GPC6: variants seen among roughly 807,000 people sequenced by gnomAD.
The protein encoded by GPC6 is glypican 6, also known as glypican-6.
Under a neutral mutation model 55.2 loss-of-function variants are expected in GPC6, and 14 were observed. That is an observed-to-expected ratio of 0.25 (90% CI 0.17 to 0.40). The LOEUF is 0.40. GPC6 is among the 10% of genes least tolerant of loss of function. The pLI, the probability that GPC6 is intolerant of heterozygous loss-of-function variation, is 1.00. For synonymous variants in GPC6, 278 were observed against 259.6 expected, an observed-to-expected ratio of 1.07 and a Z score of -0.68; for missense variants, 641 against 708.5, an observed-to-expected ratio of 0.90 and a Z score of 1.08.
chr13:94,041,610 C>A (rs1234711504), intron 4 of GPC6, among the ~76,000 whole-genome samples: 1 of 151,820 alleles, frequency 6.6e-6, no homozygotes, highest in East Asian at 1.9e-4. Context: ...CCTGAACATA[C>A]ACAATCTTTT....
intron 1 of GPC6, among the ~76,000 whole-genome samples, chr13:93,335,062 G>C (rs1258113550): frequency 6.6e-6 from 1 of 152,084 alleles, no homozygotes; most frequent in African/African-American, 2.4e-5. Flanking sequence ...TCCAACTGTT[G>C]ATGCATCTTG....
intron 4 of GPC6, among the ~76,000 whole-genome samples, chr13:94,125,262 A>G (rs1282372593): frequency 6.6e-6 from 1 of 152,080 alleles, no homozygotes; most frequent in Non-Finnish European, 1.5e-5. Flanking sequence ...ATTTTATGAC[A>G]ATGTCTTGTA....
intron 6 of GPC6, among the ~76,000 whole-genome samples, chr13:94,341,847 G>T (rs542507814): frequency 6.6e-6 from 1 of 152,148 alleles, no homozygotes; most frequent in Admixed American, 6.5e-5. Context: ...TAATGCATTA[G>T]GACTGACAAT....
intron 2 of GPC6, among the ~76,000 whole-genome samples, chr13:93,659,244 C>T (rs988043561): frequency 6.6e-6 from 1 of 151,668 alleles, no homozygotes; most frequent in African/African-American, 2.4e-5. Context: ...TGGATTAGTT[C>T]CCTAAGGGTA....
At chr13:94,175,019 C>T (rs552396164) in intron 4 of GPC6, among the ~76,000 whole-genome samples, 1 of 152,270 alleles carries the variant, frequency 6.6e-6, no homozygotes, top group African/African-American at 2.4e-5. Context: ...GTGTATCTCC[C>T]AAATATCACC....
chr13:93,735,466 G>A (rs1435344202), intron 2 of GPC6, among the ~76,000 whole-genome samples: 1 of 151,734 alleles, frequency 6.6e-6, no homozygotes, highest in Non-Finnish European at 1.5e-5. Flanking sequence ...CTAGTAGGTG[G>A]GGTTGCAGTG....
chr13:94,370,201 G>A (rs1017015642), intron 6 of GPC6, among the ~76,000 whole-genome samples: 5 of 152,242 alleles, frequency 3.3e-5, no homozygotes, highest in African/African-American at 1.2e-4. Context: ...ATCCCTGGGT[G>A]AAACTTATTA....
intron 3 of GPC6, among the ~76,000 whole-genome samples, chr13:93,993,238 C>T (rs1298917896): frequency 2.0e-5 from 3 of 151,324 alleles, no homozygotes; most frequent in African/African-American, 4.9e-5. Flanking sequence ...ATTCTTTTGT[C>T]GTATCTATTT....
chr13:94,244,404 T>G (rs1891139363), intron 4 of GPC6, among the ~76,000 whole-genome samples: 1 of 152,086 alleles, frequency 6.6e-6, no homozygotes, highest in South Asian at 2.1e-4. Context: ...ACCTGTGAAG[T>G]TAAGGATTTG....
chr13:93,450,464 GT>G (rs746856385), intron 1 of GPC6, among the ~76,000 whole-genome samples: 11 of 152,182 alleles, frequency 7.2e-5, no homozygotes, highest in Non-Finnish European at 1.5e-4. Flanking sequence ...AGTAAGGAAA[GT>G]TGTTGTCATT....
chr13:93,576,334 T>C (rs1343266672), intron 2 of GPC6, among the ~76,000 whole-genome samples: 1 of 152,070 alleles, frequency 6.6e-6, no homozygotes, highest in Non-Finnish European at 1.5e-5. Context: ...TTATGCACAA[T>C]ACAAAATTTT....
rs151154899 is a variant in GPC6, at chr13:93,679,097, A to G, written c.319+133676A>G. On this transcript the variant is annotated intron_variant, in intron 2 of 8. Transcript: ENST00000377047. ...TTTTAATTTGGAAAGAAATTGAGAA[A>G]CATATTCTGAACCTAGTGTTTTATG... Among the ~76,000 whole-genome samples, 378 of 152,272 alleles carry G rather than the reference A, an allele frequency of 2.5e-3. 2 individuals are homozygous for G. Among genetic ancestry groups the G allele is most frequent in the African/African-American group, 8.6e-3 (359 of 41,558 alleles).
intron 1 of GPC6, among the ~76,000 whole-genome samples, chr13:93,404,905 G>T (rs969067486): frequency 6.6e-6 from 1 of 151,976 alleles, no homozygotes; most frequent in African/African-American, 2.4e-5. Context: ...GCTCATTCTG[G>T]TTAATCACCT....
chr13:93,874,019 T>C (rs1275557626), intron 3 of GPC6, among the ~76,000 whole-genome samples: 2 of 151,976 alleles, frequency 1.3e-5, no homozygotes, highest in African/African-American at 4.8e-5. Flanking sequence ...CAGCCTTTCT[T>C]ACACTTGGCA....
chr13:93,598,530 A>G (rs898821678), intron 2 of GPC6, among the ~76,000 whole-genome samples: 5 of 152,180 alleles, frequency 3.3e-5, no homozygotes, highest in Non-Finnish European at 5.9e-5. Flanking sequence ...TCAGTGAGGT[A>G]TGGGGTGAAT....
intron 2 of GPC6, among the ~76,000 whole-genome samples, chr13:93,554,949 AGTT>A (rs1875378168): frequency 6.6e-6 from 1 of 152,038 alleles, no homozygotes; most frequent in South Asian, 2.1e-4. Flanking sequence ...TATATATAGT[AGTT>A]TACAGTCTTC....
chr13:93,857,504 T>C (rs565114104), intron 3 of GPC6, among the ~76,000 whole-genome samples: 20 of 151,726 alleles, frequency 1.3e-4, no homozygotes, highest in Admixed American at 3.3e-4. Context: ...TCCTTGAGAA[T>C]TGGAAATTGT....
intron 3 of GPC6, among the ~76,000 whole-genome samples, chr13:93,982,284 T>C (rs1880839674): frequency 6.6e-6 from 1 of 152,090 alleles, no homozygotes. Context: ...GTCTCTACAT[T>C]CAAATGGATC....
chr13:93,411,812 C>A (rs1876504388), intron 1 of GPC6, among the ~76,000 whole-genome samples: 1 of 151,704 alleles, frequency 6.6e-6, no homozygotes, highest in African/African-American at 2.4e-5. Context: ...ACCAGCCTAC[C>A]CAACCTGGTG....
Sources: gnomAD v4.1 joint callset for allele counts (sites outside exome capture counted in the v4.1 genomes callset) on GRCh38, gnomAD v4.1.1 for gene constraint, MANE v1.5 for transcripts, NCBI Gene and HGNC (gene_info 2026-07-23, HGNC 2026-07-21) for gene names.